Variants in FUBP3 observed in about 807,000 individuals in gnomAD.
The protein encoded by FUBP3 is far upstream element binding protein 3.
Under a neutral mutation model 85.6 loss-of-function variants are expected in FUBP3, and 28 were observed. That is an observed-to-expected ratio of 0.33 (90% CI 0.24 to 0.45). FUBP3 has a LOEUF of 0.45. Among genes scored for constraint, FUBP3 ranks in the 20% least tolerant of loss-of-function variants. The probability of loss-of-function intolerance (pLI) is 1.00; values close to 1 mark genes in which losing one functional copy is unlikely to be tolerated. For synonymous variants in FUBP3, 271 were observed against 271.4 expected (o/e 1.00, Z 0.01); for missense variants, 583 against 755.1 (o/e 0.77, Z 2.67).
intron 1 of FUBP3, among the ~76,000 whole-genome samples, chr9:130,591,396 A>G (rs1830621144): frequency 6.6e-6 from 1 of 152,040 alleles, no homozygotes; most frequent in Non-Finnish European, 1.5e-5. Context: ...TGAGCCAAGA[A>G]CCTCCTAGAG....
intron 14 of FUBP3, 21 bp downstream of exon 14, chr9:130,631,651 T>G (rs1830215386): frequency 1.9e-6 from 3 of 1,585,080 alleles, no homozygotes; most frequent in Non-Finnish European, 2.6e-6. Context: ...TGCATCAGTC[T>G]TGCCTGGGAG....
chr9:130,631,660 A>T (rs1384591654), intron 14 of FUBP3, 30 bp downstream of exon 14: 3 of 1,536,238 alleles, frequency 2.0e-6, no homozygotes, highest in African/African-American at 1.4e-5. Context: ...CTTGCCTGGG[A>T]GAATTCACTC....
chr9:130,630,230 C>T lies in FUBP3; in HGVS notation c.1118-398C>T, dbSNP rs532611575. 2.0e-5 allele frequency among the ~76,000 whole-genome samples: 3 copies of T among 152,378 alleles called. No homozygotes were observed. In the East Asian group the frequency reaches 5.8e-4, roughly 29 times the overall value. On this transcript the variant is annotated intron_variant, in intron 12 of 18. Coordinates refer to ENST00000319725, the MANE Select transcript of FUBP3 (RefSeq NM_003934.2). Reference sequence around the variant, plus strand: ...ATGGAGGCGCCCTTGGCTCACCATTCTTGTGCTAAGAAGGGCAGTGCCATC... The same window carrying T: ...ATGGAGGCGCCCTTGGCTCACCATTTTTGTGCTAAGAAGGGCAGTGCCATC...
intron 12 of FUBP3, among the ~76,000 whole-genome samples, chr9:130,626,970 G>T (rs1168185488): frequency 6.6e-6 from 1 of 152,178 alleles, no homozygotes; most frequent in Non-Finnish European, 1.5e-5. Context: ...TGTGAAAATG[G>T]TTTTTATCCT....
chr9:130,630,907 C>A, intron 13 of FUBP3, 119 bp downstream of exon 13: 1 of 770,044 alleles, frequency 1.3e-6, no homozygotes, highest in Non-Finnish European at 1.9e-6. Flanking sequence ...TCACATCACA[C>A]GAGGGCAAGC....
chr9:130,626,928 G>C (rs1357479446), intron 12 of FUBP3, among the ~76,000 whole-genome samples: 1 of 152,154 alleles, frequency 6.6e-6, no homozygotes, highest in African/African-American at 2.4e-5. Flanking sequence ...TCCCTTACCA[G>C]GTTTGAGTAT....
intron 1 of FUBP3, among the ~76,000 whole-genome samples, chr9:130,588,025 G>A (rs986586062): frequency 2.6e-5 from 4 of 152,120 alleles, no homozygotes; most frequent in African/African-American, 9.7e-5. Flanking sequence ...AAGTAAGCAG[G>A]GCAGGATCAG....
intron 2 of FUBP3, among the ~76,000 whole-genome samples, chr9:130,596,067 G>A (rs1830851996): frequency 6.6e-6 from 1 of 152,162 alleles, no homozygotes; most frequent in Admixed American, 6.5e-5. Flanking sequence ...TTTTCTAGAA[G>A]CATCCCTTTT....
chr9:130,632,583 A>G (rs1830259163), intron 16 of FUBP3, among the ~76,000 whole-genome samples: 1 of 152,152 alleles, frequency 6.6e-6, no homozygotes, highest in Non-Finnish European at 1.5e-5. Context: ...TTCCCTATGC[A>G]TGGGTGGGGA....
At position 130,622,691 on chromosome 9, in the gene FUBP3, G is replaced by T; in HGVS notation, c.772-17G>T. 1.6e-6 allele frequency: 2 copies of T among 1,283,042 alleles called. No homozygotes were observed. Among genetic ancestry groups the T allele is most frequent in the Non-Finnish European group, 2.2e-6 (2 of 902,362 alleles). The allele number at this position is 1,283,042 out of a possible 1,614,324, so 79.5% of individuals were successfully genotyped here. On this transcript the variant is annotated splice_polypyrimidine_tract_variant and intron_variant, in intron 9 of 18. Coordinates refer to ENST00000319725, the MANE Select transcript of FUBP3 (RefSeq NM_003934.2). Reference sequence around the variant, plus strand: ...TTTGTGAAAAGTTCTGATGTGGTTTGGTTTCTCTGTGCCTAGGTATCTGTG... The same window carrying T: ...TTTGTGAAAAGTTCTGATGTGGTTTTGTTTCTCTGTGCCTAGGTATCTGTG...
At chr9:130,595,721 T>C in intron 2 of FUBP3, 133 bp downstream of exon 2, 2 of 664,380 alleles carry the variant, frequency 3.0e-6, no homozygotes, top group Non-Finnish European at 5.5e-6. Context: ...GGGAAGTATT[T>C]AGGATGATTT....
Position 130,610,842 on chromosome 9 carries a change from G to A in FUBP3, c.224+855G>A, listed in dbSNP as rs187891784. Among the ~76,000 whole-genome samples the A allele has an allele frequency of 4.6e-5, 7 of 152,206 alleles. No individual in the cohort carries two copies. The East Asian group carries it at 1.2e-3, about 25-fold the overall frequency. On this transcript the variant is annotated intron_variant, in intron 3 of 18. Transcript: ENST00000319725. ...TTATCCTGGGGTTTTTTTGGTGGTT[G>A]TTGTTATTGTTGTTTCTTTGTTTGC...
intron 12 of FUBP3, among the ~76,000 whole-genome samples, chr9:130,628,819 G>C (rs1830096852): frequency 6.6e-6 from 1 of 151,910 alleles, no homozygotes; most frequent in Admixed American, 6.6e-5. Flanking sequence ...GCCCAGGCTG[G>C]AGTGCAGTGG....
chr9:130,608,036 A>G (rs1831547898), intron 2 of FUBP3, among the ~76,000 whole-genome samples: 1 of 152,258 alleles, frequency 6.6e-6, no homozygotes, highest in Admixed American at 6.5e-5. Flanking sequence ...TGATGAGCAC[A>G]AAATTTCAAA....
chr9:130,597,616 A>G (rs1258043830), intron 2 of FUBP3, among the ~76,000 whole-genome samples: 1 of 152,184 alleles, frequency 6.6e-6, no homozygotes, highest in African/African-American at 2.4e-5. Context: ...CTCTTAAGAG[A>G]GTGGCCCAGT....
Position 130,636,119 on chromosome 9 carries a change from A to G in FUBP3, c.1703A>G (p.His568Arg), listed in dbSNP as rs1359354812. 1 of 1,613,190 alleles carries G rather than the reference A, an allele frequency of 6.2e-7. No homozygotes were observed. Among genetic ancestry groups the G allele is most frequent in the Non-Finnish European group, 8.5e-7 (1 of 1,179,826 alleles). The change falls in exon 18 of 19, where the codon CAC (histidine) becomes CGC (arginine). Residue 568 changes from histidine to arginine, a missense_variant. By Grantham distance (29) the His-to-Arg change is conservative (BLOSUM62 0). Coordinates refer to ENST00000319725, the MANE Select transcript of FUBP3 (RefSeq NM_003934.2). Reference protein sequence around the residue: ...YGQTLGQAQAHSQEQ With the variant: ...YGQTLGQAQARSQEQ ...CAGACGTTAGGGCAGGCGCAGGCCC[A>G]CAGCCAGGTCTGTAGCTGATCACCA...
chr9:130,625,518 C>T (rs1399403287), intron 11 of FUBP3, among the ~76,000 whole-genome samples: 2 of 152,246 alleles, frequency 1.3e-5, no homozygotes, highest in Non-Finnish European at 2.9e-5. Context: ...CAGCTTCTCC[C>T]TTCCATGAAA....
At position 130,637,209 on chromosome 9, in the gene FUBP3, T is replaced by C. The variant is rs571173469; in HGVS notation, c.*187T>C. On this transcript the variant is annotated 3_prime_UTR_variant, in exon 19 of 19. Coordinates refer to ENST00000319725, the MANE Select transcript of FUBP3 (RefSeq NM_003934.2). ...ATTAGTTACTAAAAATTGCTGATCA[T>C]TTTTGTTTCATTATTTTTGTTATTT... 3.3e-6 allele frequency: 2 copies of C among 609,414 alleles called. No homozygotes were observed. The highest frequency in any genetic ancestry group is 2.8e-5 in the East Asian group (1 of 36,048). 37.8% of individuals were successfully genotyped at this position (609,414 alleles called of 1,614,324 possible). A position where few individuals can be genotyped will look rare whatever the true frequency, so the allele number is the denominator to read the frequency against.
chr9:130,593,977 A>G (rs1301707065), intron 1 of FUBP3, among the ~76,000 whole-genome samples: 1 of 152,204 alleles, frequency 6.6e-6, no homozygotes, highest in African/African-American at 2.4e-5. Flanking sequence ...TTAAAAGTTG[A>G]AATAGCTCTT....
Sources: gnomAD v4.1 joint callset for allele counts (sites outside exome capture counted in the v4.1 genomes callset) on GRCh38, gnomAD v4.1.1 for gene constraint, MANE v1.5 for transcripts, NCBI Gene and HGNC (gene_info 2026-07-23, HGNC 2026-07-21) for gene names.